The following HECW2 variants were observed in gnomAD, a reference collection of about 807,000 sequenced individuals.
HECW2 encodes the protein HECT, C2 and WW domain containing E3 ubiquitin protein ligase 2.
In HECW2, 61 loss-of-function variants were observed where a neutral mutation model predicts 175.2. The observed-to-expected ratio is 0.35, with a 90% CI of 0.28 to 0.43. HECW2 has a LOEUF of 0.43. Among genes scored for constraint, HECW2 ranks in the 20% least tolerant of loss-of-function variants. The pLI is 1.00. For missense variants in HECW2, 1,524 were observed against 2,000.5 expected, an observed-to-expected ratio of 0.76 and a Z score of 4.54; for synonymous variants, 671 against 731.0, an observed-to-expected ratio of 0.92 and a Z score of 1.32.
intron 1 of HECW2, among the ~76,000 whole-genome samples, chr2:196,485,345 G>A (rs988129487): frequency 6.6e-6 from 1 of 152,146 alleles, no homozygotes; most frequent in Non-Finnish European, 1.5e-5. Flanking sequence ...GTCTTGGTCC[G>A]TTTTACTGCT....
chr2:196,375,277 A>C (rs1205433179), intron 2 of HECW2, among the ~76,000 whole-genome samples: 2 of 152,242 alleles, frequency 1.3e-5, no homozygotes, highest in African/African-American at 2.4e-5. Context: ...TCCCAAATGG[A>C]ATCATGACAT....
intron 2 of HECW2, among the ~76,000 whole-genome samples, chr2:196,344,233 A>C (rs2105832563): frequency 6.8e-6 from 1 of 146,472 alleles, no homozygotes; most frequent in African/African-American, 2.5e-5. Flanking sequence ...TGCCAGGAAC[A>C]GTGTTTAGGG....
intron 28 of HECW2, among the ~76,000 whole-genome samples, chr2:196,205,944 A>C (rs889339550): frequency 6.6e-6 from 1 of 152,190 alleles, no homozygotes; most frequent in Non-Finnish European, 1.5e-5. Flanking sequence ...TAGTGTGGTT[A>C]AATAAATTGC....
intron 1 of HECW2, among the ~76,000 whole-genome samples, chr2:196,441,944 C>T (rs1260146914): frequency 1.3e-5 from 2 of 151,894 alleles, no homozygotes; most frequent in African/African-American, 4.8e-5. Flanking sequence ...GCGTGTTTTC[C>T]CCAAAATTTT....
intron 10 of HECW2, among the ~76,000 whole-genome samples, chr2:196,310,768 T>TTGTGTGTGTGTGTGTGCG: frequency 6.7e-6 from 1 of 148,326 alleles, no homozygotes; most frequent in East Asian, 2.0e-4. Flanking sequence ...AGCAACGATT[T>TTGTGTGTGTGTGTGTGCG]TGTGTGTGTG....
At chr2:196,562,136 T>A (rs13395205) in intron 1 of HECW2, among the ~76,000 whole-genome samples, 9 of 152,034 alleles carry the variant, frequency 5.9e-5, no homozygotes, top group African/African-American at 1.4e-4. Flanking sequence ...TGAATAGATT[T>A]GCAGGTGGTT....
At chr2:196,448,752 A>C (rs1042466465) in intron 1 of HECW2, among the ~76,000 whole-genome samples, 5 of 152,186 alleles carry the variant, frequency 3.3e-5, no homozygotes, top group African/African-American at 1.2e-4. Flanking sequence ...CTTGTTGAGA[A>C]GTAGCAATTT....
intron 1 of HECW2, among the ~76,000 whole-genome samples, chr2:196,538,708 T>C (rs1333404803): frequency 1.3e-5 from 2 of 152,318 alleles, no homozygotes; most frequent in East Asian, 3.9e-4. Flanking sequence ...TGAGCTAACA[T>C]GTTCTGACAA....
chr2:196,489,968 TC>T (rs1246524461), intron 1 of HECW2, among the ~76,000 whole-genome samples: 1 of 152,198 alleles, frequency 6.6e-6, no homozygotes, highest in African/African-American at 2.4e-5. Flanking sequence ...GCCAAAGCTA[TC>T]TGACTCCATA....
chr2:196,336,359 C>T (rs562917304), intron 3 of HECW2, among the ~76,000 whole-genome samples: 90 of 152,228 alleles, frequency 5.9e-4, no homozygotes, highest in African/African-American at 2.0e-3. Flanking sequence ...TGCACGAGGA[C>T]GGTCCGAGCA....
At chr2:196,247,199 C>T (rs1486440558) in intron 19 of HECW2, among the ~76,000 whole-genome samples, 4 of 152,030 alleles carry the variant, frequency 2.6e-5, no homozygotes, top group Non-Finnish European at 5.9e-5. Context: ...TGCAGCGAGC[C>T]GACATCGCAC....
At chr2:196,433,489 G>T in intron 1 of HECW2, 31 bp from the exon 2 acceptor site, 7 of 1,503,708 alleles carry the variant, frequency 4.7e-6, no homozygotes, top group Admixed American at 2.0e-5. Flanking sequence ...TAAAACATTA[G>T]TGCTACAATA....
chr2:196,552,527 TAC>T (rs1348437746), intron 1 of HECW2, among the ~76,000 whole-genome samples: 1 of 152,192 alleles, frequency 6.6e-6, no homozygotes, highest in Non-Finnish European at 1.5e-5. Context: ...AAAGAAGCCT[TAC>T]TATTAAAAGA....
chr2:196,442,701 T>C (rs1321861713), intron 1 of HECW2, among the ~76,000 whole-genome samples: 1 of 152,224 alleles, frequency 6.6e-6, no homozygotes, highest in East Asian at 1.9e-4. Context: ...ACATATACAA[T>C]ATAATTAAAT....
intron 1 of HECW2, among the ~76,000 whole-genome samples, chr2:196,454,003 TTTTGTTTGTTTG>T (rs746300853): frequency 4.0e-5 from 6 of 151,732 alleles, no homozygotes; most frequent in Non-Finnish European, 8.8e-5. Context: ...CTTCTATGGG[TTTTGTTTGTTTG>T]TTTGTTTGTT....
At position 196,195,185 on chromosome 2, in the gene HECW2, G is replaced by C. The variant is rs776396177; in HGVS notation, c.*6092C>G. 6.6e-5 allele frequency: 10 copies of C among 152,086 alleles called. No homozygotes were observed. The highest frequency in any genetic ancestry group is 1.2e-4 in the Non-Finnish European group (8 of 67,992). 9.4% of individuals were successfully genotyped at this position (152,086 alleles called of 1,614,324 possible). On this transcript the variant is annotated 3_prime_UTR_variant, in exon 29 of 29. Transcript: ENST00000644978. ...ACATCCCATTCTGTGTTAATTCCTG[G>C]TTAATCCTTCCAAGGTAATTCCTGA...
chr2:196,437,140 G>A (rs1433898595), intron 1 of HECW2, among the ~76,000 whole-genome samples: 1 of 151,950 alleles, frequency 6.6e-6, no homozygotes, highest in Non-Finnish European at 1.5e-5. Flanking sequence ...GGTGGCAGAG[G>A]TGATATCTGA....
At chr2:196,372,479 C>G (rs574832107) in intron 2 of HECW2, among the ~76,000 whole-genome samples, 1 of 152,200 alleles carries the variant, frequency 6.6e-6, no homozygotes, top group Non-Finnish European at 1.5e-5. Flanking sequence ...CCAAGAATAA[C>G]ATTTTCCCTT....
At chr2:196,306,337 G>C in intron 13 of HECW2, 151 bp downstream of exon 13, 5 of 681,924 alleles carry the variant, frequency 7.3e-6, no homozygotes, top group Non-Finnish European at 1.1e-5. Flanking sequence ...GACTAAACCG[G>C]TTAAAGTGTA....
Sources: gnomAD v4.1 joint callset for allele counts (sites outside exome capture counted in the v4.1 genomes callset) on GRCh38, gnomAD v4.1.1 for gene constraint, MANE v1.5 for transcripts, NCBI Gene and HGNC (gene_info 2026-07-23, HGNC 2026-07-21) for gene names.